Variants in LRRC4C observed in about 807,000 individuals in gnomAD.
LRRC4C encodes the protein leucine-rich repeat-containing protein 4C.
In LRRC4C, 5 loss-of-function variants were observed where a neutral mutation model predicts 33.6. The ratio of observed to expected loss-of-function variants is 0.15; its 90% CI spans 0.08 to 0.31. The LOEUF is 0.31. LRRC4C is among the 10% of genes least tolerant of loss of function. The pLI is 1.00. For synonymous variants in LRRC4C, 329 were observed against 302.0 expected (o/e 1.09, Z -0.93); for missense variants, 560 against 796.7 (o/e 0.70, Z 3.58).
At chr11:41,079,948 C>T (rs1939441379) in intron 1 of LRRC4C, among the ~76,000 whole-genome samples, 1 of 152,134 alleles carries the variant, frequency 6.6e-6, no homozygotes, top group African/African-American at 2.4e-5. Context: ...ACAGATTCTA[C>T]TGTATTTATG....
chr11:41,191,450 C>A (rs967752687), intron 1 of LRRC4C, among the ~76,000 whole-genome samples: 1 of 152,142 alleles, frequency 6.6e-6, no homozygotes, highest in African/African-American at 2.4e-5. Context: ...TGTCTTTCAG[C>A]CTGTTGGTCA....
intron 3 of LRRC4C, among the ~76,000 whole-genome samples, chr11:40,462,128 A>C (rs1460299503): frequency 1.3e-5 from 2 of 152,078 alleles, no homozygotes; most frequent in Admixed American, 6.6e-5. Flanking sequence ...TCATCTTAAC[A>C]CTGAAGTTTA....
At chr11:40,494,127 C>A (rs1954305186) in intron 3 of LRRC4C, among the ~76,000 whole-genome samples, 1 of 152,128 alleles carries the variant, frequency 6.6e-6, no homozygotes, top group Non-Finnish European at 1.5e-5. Context: ...GGGGTTCCAC[C>A]ATTCCCTCCA....
chr11:40,916,533 A>T (rs906396491), intron 2 of LRRC4C, among the ~76,000 whole-genome samples: 3 of 151,972 alleles, frequency 2.0e-5, no homozygotes, highest in Non-Finnish European at 2.9e-5. Flanking sequence ...AACATCACAC[A>T]GCGGGGCCTG....
chr11:40,637,966 C>T (rs1440868124), intron 3 of LRRC4C, among the ~76,000 whole-genome samples: 1 of 152,152 alleles, frequency 6.6e-6, no homozygotes, highest in Non-Finnish European at 1.5e-5. Flanking sequence ...ACATCAGGGC[C>T]TCCCCACTTG....
At chr11:41,189,383 C>T (rs534438265) in intron 1 of LRRC4C, among the ~76,000 whole-genome samples, 9 of 152,048 alleles carry the variant, frequency 5.9e-5, no homozygotes, top group African/African-American at 9.6e-5. Flanking sequence ...ATAGACCTTG[C>T]GGATTATGTG....
intron 2 of LRRC4C, among the ~76,000 whole-genome samples, chr11:40,912,004 T>TA (rs1389813293): frequency 2.6e-5 from 4 of 151,946 alleles, no homozygotes; most frequent in Non-Finnish European, 5.9e-5. Flanking sequence ...GACAAAAGAA[T>TA]AAAAAGAAAT....
intron 1 of LRRC4C, among the ~76,000 whole-genome samples, chr11:40,944,294 G>A (rs924256846): frequency 2.0e-5 from 3 of 151,746 alleles, no homozygotes; most frequent in African/African-American, 7.3e-5. Flanking sequence ...TTGAGGATAC[G>A]ATATTTTATC....
chr11:40,197,483 T>G (rs1228224020), intron 5 of LRRC4C, among the ~76,000 whole-genome samples: 1 of 152,248 alleles, frequency 6.6e-6, no homozygotes, highest in Non-Finnish European at 1.5e-5. Context: ...ACATAGCTAC[T>G]GAGTTGAGGG....
At chr11:40,649,804 A>C (rs1013973041) in intron 2 of LRRC4C, among the ~76,000 whole-genome samples, 1 of 152,226 alleles carries the variant, frequency 6.6e-6, no homozygotes, top group African/African-American at 2.4e-5. Context: ...ATATATGTCC[A>C]TATTAAAATG....
At chr11:41,374,891 CA>C (rs1325539597) in intron 1 of LRRC4C, among the ~76,000 whole-genome samples, 2 of 151,996 alleles carry the variant, frequency 1.3e-5, no homozygotes, top group Non-Finnish European at 2.9e-5. Context: ...TTGGGAAAGT[CA>C]AGGTGGGCAG....
chr11:41,281,073 TCTGTC>T (rs1212224408), intron 1 of LRRC4C, among the ~76,000 whole-genome samples: 48 of 135,450 alleles, frequency 3.5e-4, no homozygotes, highest in African/African-American at 1.3e-3. Flanking sequence ...TCTCTCTCTC[TCTGTC>T]CTCTCTCTCT....
intron 2 of LRRC4C, among the ~76,000 whole-genome samples, chr11:40,811,497 G>A (rs1591783949): frequency 6.6e-6 from 1 of 152,032 alleles, no homozygotes; most frequent in African/African-American, 2.4e-5. Context: ...ATATATAAAT[G>A]GCATCTACTC....
At chr11:40,602,150 G>A (rs1209786327) in intron 3 of LRRC4C, among the ~76,000 whole-genome samples, 3 of 145,208 alleles carry the variant, frequency 2.1e-5, no homozygotes, top group South Asian at 2.2e-4. Context: ...AGCTGAGATC[G>A]TGCCACTGCA....
intron 1 of LRRC4C, among the ~76,000 whole-genome samples, chr11:41,079,690 T>C (rs1350806261): frequency 1.3e-5 from 2 of 152,204 alleles, no homozygotes; most frequent in Non-Finnish European, 2.9e-5. Flanking sequence ...GTCCAACCAG[T>C]GGCCTATGGG....
chr11:40,988,343 G>A (rs1186028542), intron 1 of LRRC4C, among the ~76,000 whole-genome samples: 1 of 152,020 alleles, frequency 6.6e-6, no homozygotes, highest in Non-Finnish European at 1.5e-5. Flanking sequence ...GTTATAATAT[G>A]GGCTCATTCT....
rs201971702 is a variant in LRRC4C, at chr11:40,253,371, C to A, written c.-175-11773G>T. On this transcript the variant is annotated intron_variant, in intron 4 of 6. Coordinates refer to ENST00000528697, the MANE Select transcript of LRRC4C (RefSeq NM_001258419.2). The stretch of plus-strand genomic sequence containing the variant: ...TTGGTGTTGTGGGCCAACTGCTAAG[C>A]AAAGAAGCAGGTTGGTATAAAAAGC... 2.6e-5 allele frequency among the ~76,000 whole-genome samples: 4 copies of A among 152,244 alleles called. No homozygotes were observed. In the East Asian group the frequency reaches 7.7e-4, roughly 29 times the overall value.
At chr11:40,175,961 G>C (rs1342704234) in intron 5 of LRRC4C, among the ~76,000 whole-genome samples, 4 of 152,116 alleles carry the variant, frequency 2.6e-5, no homozygotes, top group African/African-American at 9.7e-5. Flanking sequence ...TAGAGGCTGA[G>C]TAAGAAGCCT....
chr11:40,692,510 G>A (rs1471835665), intron 2 of LRRC4C, among the ~76,000 whole-genome samples: 1 of 152,086 alleles, frequency 6.6e-6, no homozygotes, highest in African/African-American at 2.4e-5. Context: ...CAATGCAGAA[G>A]TGGGGACAAA....
Sources: allele counts gnomAD v4.1 joint callset (sites outside exome capture counted in the v4.1 genomes callset), GRCh38; gene constraint gnomAD v4.1.1; transcripts MANE v1.5; gene names NCBI Gene and HGNC (gene_info 2026-07-23, HGNC 2026-07-21).